Variants in SPG11 observed in about 807,000 individuals in gnomAD.
SPG11 encodes SPG11 vesicle trafficking associated, spatacsin.
Under a neutral mutation model 274.0 loss-of-function variants are expected in SPG11, and 222 were observed. The ratio of observed to expected loss-of-function variants is 0.81; its 90% CI spans 0.73 to 0.91. SPG11 has a LOEUF of 0.91. SPG11 is among the 40% of genes least tolerant of loss of function. SPG11 has a pLI of 0.00. For missense variants in SPG11, 3,114 were observed against 2,872.7 expected, an observed-to-expected ratio of 1.08 and a Z score of -1.92; for synonymous variants, 1,144 against 1,039.7, an observed-to-expected ratio of 1.10 and a Z score of -1.93.
chr15:44,579,506 G>A (rs1178228347), intron 30 of SPG11, among the ~76,000 whole-genome samples: 9 of 122,964 alleles, frequency 7.3e-5, no homozygotes, highest in African/African-American at 2.8e-4. Context: ...TAGCATGGGC[G>A]ATAGAGTGAG....
intron 28 of SPG11, among the ~76,000 whole-genome samples, chr15:44,586,660 C>A (rs2082772156): frequency 6.8e-6 from 1 of 147,924 alleles, no homozygotes; most frequent in African/African-American, 2.5e-5. Flanking sequence ...AAAAAAAAAA[C>A]TGTTAGAGAT....
At chr15:44,623,767 T>A (rs2083820076) in intron 11 of SPG11, among the ~76,000 whole-genome samples, 1 of 151,976 alleles carries the variant, frequency 6.6e-6, no homozygotes, top group African/African-American at 2.4e-5. Context: ...TTCTTTTTCT[T>A]TTTTTTTGAG....
rs312262764 is a variant in SPG11 at position 44,584,222 on chromosome 15, GCT to G, written c.5456_5457del (p.Glu1819AlafsTer10). ...HTLGRNQEETEPRFSRQISTS... is the reference protein window; with the variant it reads ...HTLGRNQEETXPRFSRQISTS... The stretch of plus-strand genomic sequence containing the variant: ...GTTGAGATCTGTCGAGAAAATCTGG[GCT>G]CTGTTTCCTCCTGATTTCTTCCAAG... On this transcript the variant is annotated frameshift_variant, in exon 30 of 40. Transcript: ENST00000261866. LOFTEE classifies it high-confidence loss of function. 138 of 1,614,056 alleles carry G rather than the reference GCT, an allele frequency of 8.5e-5. No individual in the cohort carries two copies. The highest frequency in any genetic ancestry group is 1.1e-4 in the Non-Finnish European group (133 of 1,180,042).
chr15:44,620,122 T>C (rs1344980611), intron 15 of SPG11, 68 bp downstream of exon 15: 13 of 1,207,216 alleles, frequency 1.1e-5, no homozygotes, highest in South Asian at 7.3e-5. Flanking sequence ...GGAAAAGCTA[T>C]ACCATTATTT....
Position 44,569,458 on chromosome 15 carries a change from T to A in SPG11, c.6525A>T (p.Ile2175=). 3 of 1,606,322 alleles carry A rather than the reference T, an allele frequency of 1.9e-6. No individual in the cohort carries two copies. The highest frequency in any genetic ancestry group is 2.6e-6 in the Non-Finnish European group (3 of 1,175,828). The part of the protein sequence containing the change: ...GIGRYNEMTY[I]FDLLHKKHYF... The stretch of plus-strand genomic sequence containing the variant: ...AGTGCTTTTTATGCAGCAAATCAAA[T>A]ATGTATGTCATCTCGTTGTACCTTC... Residue 2175 remains isoleucine (I), a synonymous_variant, in exon 35 of 40, where the codon ATA becomes ATT. Coordinates refer to ENST00000261866, the MANE Select transcript of SPG11 (RefSeq NM_025137.4).
chr15:44,621,836 C>T lies in SPG11; in HGVS notation c.2543G>A (p.Arg848Lys), dbSNP rs542602820. Reference sequence around the variant, plus strand: ...CCACAGAGCCCAATTTAACACAATTCTATGGTCCTGTTTGTTAAATTCATC... The same window carrying T: ...CCACAGAGCCCAATTTAACACAATTTTATGGTCCTGTTTGTTAAATTCATC... ...CKDEFNKQDH[R>K]IVLNWALWWD... The change falls in exon 14 of 40, where the codon AGA becomes AAA. Residue 848 changes from arginine to lysine, a missense_variant. Transcript: ENST00000261866. 3.7e-6 allele frequency: 6 copies of T among 1,613,824 alleles called. No homozygotes were observed. In the South Asian group the frequency reaches 6.6e-5, roughly 18 times the overall value.
intron 16 of SPG11, among the ~76,000 whole-genome samples, chr15:44,614,756 T>A: frequency 6.6e-6 from 1 of 152,210 alleles, no homozygotes; most frequent in South Asian, 2.1e-4. Flanking sequence ...AGATAATGCA[T>A]ATAAAGTACT....
chr15:44,601,792 C>T lies in SPG11; in HGVS notation c.3521-1160G>A, dbSNP rs142608094. 3.0e-3 allele frequency among the ~76,000 whole-genome samples: 454 copies of T among 152,196 alleles called. 1 individual carries two copies. The highest frequency in any genetic ancestry group is 0.011 in the African/African-American group (440 of 41,494). The stretch of plus-strand genomic sequence containing the variant: ...CAGGCTGGTCTCGAACTCCTGGCCT[C>T]GGGTGATCTGCCCACCTTGACCTCC... On this transcript the variant is annotated intron_variant, in intron 20 of 39. Coordinates refer to ENST00000261866, the MANE Select transcript of SPG11 (RefSeq NM_025137.4).
Position 44,592,318 on chromosome 15 carries a change from A to C in SPG11, c.4743+13T>G. 6.6e-6 allele frequency: 10 copies of C among 1,519,768 alleles called. No individual in the cohort carries two copies. The highest frequency in any genetic ancestry group is 9.1e-6 in the Non-Finnish European group (10 of 1,094,172). 94.1% of individuals were successfully genotyped at this position (1,519,768 alleles called of 1,614,324 possible). ...GCAGATCAGTGAGAAAGAGCACCAT[A>C]ATTCCAACTTACCGTTTCAAGGCTC... On this transcript the variant is annotated intron_variant, in intron 27 of 39. Transcript: ENST00000261866.
At position 44,615,389 on chromosome 15, in the gene SPG11, A is replaced by G; in HGVS notation, c.3012T>C (p.Leu1004=). The G allele has an allele frequency of 6.2e-7, 1 of 1,613,984 alleles. No individual in the cohort carries two copies. Among genetic ancestry groups the G allele is most frequent in the Non-Finnish European group, 8.5e-7 (1 of 1,180,012 alleles). Residue 1004 remains leucine (L), a synonymous_variant, in exon 16 of 40, where the codon CTT becomes CTC. Transcript: ENST00000261866. The stretch of plus-strand genomic sequence containing the variant: ...TGTAACAGTCAAGGTAGACATAAAG[A>G]AGATGCTGCAGACTGTGCTCCAAAC... The part of the protein sequence containing the change: ...LYCLEHSLQH[L]LYVYLDCYKL...
chr15:44,640,611 G>C (rs186413211), intron 7 of SPG11, among the ~76,000 whole-genome samples: 99 of 152,294 alleles, frequency 6.5e-4, no homozygotes, highest in Middle Eastern at 6.8e-3. Flanking sequence ...AGGCAAGATG[G>C]AATTGGCCTA....
In SPG11 at chr15:44,663,396, G is replaced by C; in HGVS notation, c.252C>G (p.Phe84Leu). 6.2e-7 allele frequency: 1 copy of C among 1,607,656 alleles called. No homozygotes were observed. Among genetic ancestry groups the C allele is most frequent in the Non-Finnish European group, 8.5e-7 (1 of 1,177,716 alleles). Reference sequence around the variant, plus strand: ...AACTCTCCCTCAGCACTTACTGCCAGAAGGGGCCCTCCAGGCAGCAGCGAC... The same window carrying C: ...AACTCTCCCTCAGCACTTACTGCCACAAGGGGCCCTCCAGGCAGCAGCGAC... Reference protein sequence around the residue: ...GGGRCCLEGPFWHFLWEDSRN... With the variant: ...GGGRCCLEGPLWHFLWEDSRN... Residue 84 changes from phenylalanine to leucine, a missense_variant, in exon 1 of 40, where the codon TTC (phenylalanine) becomes TTG (leucine). By Grantham distance (22) the Phe-to-Leu change is conservative (BLOSUM62 0). Transcript: ENST00000261866.
chr15:44,586,253 A>T (rs1056886636), intron 28 of SPG11, among the ~76,000 whole-genome samples: 3 of 152,134 alleles, frequency 2.0e-5, no homozygotes, highest in African/African-American at 4.8e-5. Context: ...GTTGACTAGC[A>T]GAGGAAGCCA....
At chr15:44,576,529 G>C (rs1283170469) in intron 30 of SPG11, among the ~76,000 whole-genome samples, 2 of 150,914 alleles carry the variant, frequency 1.3e-5, no homozygotes, top group African/African-American at 4.9e-5. Flanking sequence ...GGTGCCTGTA[G>C]TCCCAGCTAC....
intron 10 of SPG11, among the ~76,000 whole-genome samples, chr15:44,626,760 G>C (rs776913267): frequency 6.6e-6 from 1 of 152,140 alleles, no homozygotes; most frequent in Non-Finnish European, 1.5e-5. Flanking sequence ...CAGGGTGCTA[G>C]AGAGGAAGGT....
chr15:44,661,492 A>G (rs1421571788), intron 1 of SPG11, among the ~76,000 whole-genome samples: 2 of 152,142 alleles, frequency 1.3e-5, no homozygotes, highest in Non-Finnish European at 2.9e-5. Flanking sequence ...ACTGTGGTAC[A>G]TACATGATTT....
In SPG11 at chr15:44,595,353, G is replaced by T; in HGVS notation, c.4541C>A (p.Thr1514Asn). The T allele has an allele frequency of 6.2e-7, 1 of 1,614,156 alleles. No homozygotes were observed. The highest frequency in any genetic ancestry group is 8.5e-7 in the Non-Finnish European group (1 of 1,180,008). The change falls in exon 26 of 40, where the codon ACC becomes AAC. Residue 1514 changes from threonine to asparagine, a missense_variant. Coordinates refer to ENST00000261866, the MANE Select transcript of SPG11 (RefSeq NM_025137.4). Reference sequence around the variant, plus strand: ...GACTGAAAGATCCTCAAGGTTCCAGGTATGGTCCTCTGTTGAGTCCTGAAT... The same window carrying T: ...GACTGAAAGATCCTCAAGGTTCCAGTTATGGTCCTCTGTTGAGTCCTGAAT... Reference protein sequence around the residue: ...GHIQDSTEDHTWNLEDLSVIW... With the variant: ...GHIQDSTEDHNWNLEDLSVIW...
chr15:44,563,758 C>T (rs1028055653), intron 39 of SPG11, among the ~76,000 whole-genome samples: 2 of 152,076 alleles, frequency 1.3e-5, no homozygotes, highest in Middle Eastern at 3.2e-3. Flanking sequence ...TCCCGAGTAA[C>T]TAGGACTACA....
At chr15:44,566,052 T>C (rs1240740119) in intron 37 of SPG11, 43 bp from the exon 38 acceptor site, 1 of 1,611,978 alleles carries the variant, frequency 6.2e-7, no homozygotes. Context: ...AAAGACCTAG[T>C]TGTCACCTCC....
Sources: gnomAD v4.1 joint callset for allele counts (sites outside exome capture counted in the v4.1 genomes callset) on GRCh38, gnomAD v4.1.1 for gene constraint, MANE v1.5 for transcripts, NCBI Gene and HGNC (gene_info 2026-07-23, HGNC 2026-07-21) for gene names.